ADAMTS2: variants seen among roughly 807,000 people sequenced by gnomAD.
ADAMTS2 encodes the protein A disintegrin and metalloproteinase with thrombospondin motifs 2.
Under a neutral mutation model 123.0 loss-of-function variants are expected in ADAMTS2, and 50 were observed. That is an observed-to-expected ratio of 0.41 (90% CI 0.32 to 0.51). The LOEUF is 0.51. Ranked by LOEUF, ADAMTS2 falls within the 20% of genes least tolerant of loss-of-function variation. The probability of loss-of-function intolerance (pLI) is 0.35; values close to 1 mark genes in which losing one functional copy is unlikely to be tolerated. For synonymous variants in ADAMTS2, 678 were observed against 695.4 expected, an observed-to-expected ratio of 0.98 and a Z score of 0.39; for missense variants, 1,494 against 1,705.2, an observed-to-expected ratio of 0.88 and a Z score of 2.18.
chr5:179,124,270 C>T (rs993319118), intron 19 of ADAMTS2, among the ~76,000 whole-genome samples: 11 of 152,262 alleles, frequency 7.2e-5, no homozygotes, highest in African/African-American at 1.7e-4. Flanking sequence ...TGCATGTGAC[C>T]GGGCTGTCAG....
chr5:179,243,687 G>C (rs1413542479), intron 3 of ADAMTS2, among the ~76,000 whole-genome samples: 1 of 152,178 alleles, frequency 6.6e-6, no homozygotes, highest in South Asian at 2.1e-4. Flanking sequence ...GACACTGCTG[G>C]TAAGAAAGCC....
intron 3 of ADAMTS2, among the ~76,000 whole-genome samples, chr5:179,217,828 C>CAGATAGGCACACTCGCTAGGAGATGGTG (rs1561811309): frequency 1.0e-5 from 1 of 99,850 alleles, no homozygotes; most frequent in African/African-American, 4.1e-5. Context: ...AGGGGATGGC[C>CAGATAGGCACACTCGCTAGGAGATGGTG]TGAGGGCAGA....
At chr5:179,122,001 T>A in intron 20 of ADAMTS2, 1 of 364,202 alleles carries the variant, frequency 2.7e-6, no homozygotes, top group Non-Finnish European at 4.9e-6. Flanking sequence ...CCCTGCCGCC[T>A]CCTTTTCTGG....
intron 4 of ADAMTS2, among the ~76,000 whole-genome samples, chr5:179,200,200 T>C (rs1480191023): frequency 6.6e-6 from 1 of 151,774 alleles, no homozygotes; most frequent in African/African-American, 2.4e-5. Context: ...ATGTAATACA[T>C]TGGCTCCTTT....
At chr5:179,255,236 G>T (rs1438945302) in intron 3 of ADAMTS2, among the ~76,000 whole-genome samples, 3 of 152,190 alleles carry the variant, frequency 2.0e-5, no homozygotes, top group Non-Finnish European at 2.9e-5. Context: ...ATGGATGAAT[G>T]ATTGGATAGA....
In ADAMTS2 at chr5:179,158,434, GC is replaced by G. The variant is rs1763527868; in HGVS notation, c.1132+288del. Reference sequence around the variant, plus strand: ...ACAGGCCTCCTTTCTTTCCAAATTGGCCCCACACCATTTGTTAGGCTGTTTT... The same window carrying G: ...ACAGGCCTCCTTTCTTTCCAAATTGGCCCACACCATTTGTTAGGCTGTTTT... On this transcript the variant is annotated intron_variant, in intron 6 of 21. Coordinates refer to ENST00000251582, the MANE Select transcript of ADAMTS2 (RefSeq NM_014244.5). This position sits in a 1 kb window ranked among gnomAD's most constrained non-coding sequence, Gnocchi z 5.0. Among the ~76,000 whole-genome samples the G allele has an allele frequency of 1.3e-5, 2 of 152,124 alleles. No individual in the cohort carries two copies. The highest frequency in any genetic ancestry group is 4.2e-4 in the South Asian group (2 of 4,818).
Position 179,154,904 on chromosome 5 carries a change from G to C in ADAMTS2, c.1148C>G (p.Thr383Ser), listed in dbSNP as rs372429085. 1.2e-6 allele frequency: 2 copies of C among 1,613,432 alleles called. No individual in the cohort carries two copies. The highest frequency in any genetic ancestry group is 1.7e-6 in the Non-Finnish European group (2 of 1,179,906). Reference protein sequence around the residue: ...PSGMQGYAPVTGMCHPVRSCT... With the variant: ...PSGMQGYAPVSGMCHPVRSCT... Reference sequence around the variant, plus strand: ...GCTGCGGACCGGATGGCACATGCCGGTGACAGGAGCATAGCCTGGGAGGAG... The same window carrying C: ...GCTGCGGACCGGATGGCACATGCCGCTGACAGGAGCATAGCCTGGGAGGAG... The change falls in exon 7 of 22, where the codon ACC becomes AGC. Residue 383 changes from threonine (T) to serine (S), a missense_variant. By Grantham distance (58) the Thr-to-Ser change is moderately conservative (BLOSUM62 1). Coordinates refer to ENST00000251582, the MANE Select transcript of ADAMTS2 (RefSeq NM_014244.5).
intron 5 of ADAMTS2, among the ~76,000 whole-genome samples, chr5:179,160,381 G>A (rs950577846): frequency 6.6e-6 from 1 of 152,210 alleles, no homozygotes; most frequent in East Asian, 1.9e-4. Context: ...AACCCGGGAG[G>A]TGGAGGTTGC....
chr5:179,262,139 G>A lies in ADAMTS2; in HGVS notation c.688+10772C>T, dbSNP rs981711753. 3.9e-5 allele frequency among the ~76,000 whole-genome samples: 6 copies of A among 152,044 alleles called. No individual in the cohort carries two copies. The highest frequency in any genetic ancestry group is 1.5e-4 in the African/African-American group (6 of 41,378). The stretch of plus-strand genomic sequence containing the variant: ...CGGGCAGCTGTGGAGTCAGAGTGAT[G>A]GGTGCCAATTCTGACTCCTGCACGT... On this transcript the variant is annotated intron_variant, in intron 3 of 21. Coordinates refer to ENST00000251582, the MANE Select transcript of ADAMTS2 (RefSeq NM_014244.5). This position sits in a 1 kb window ranked among gnomAD's most constrained non-coding sequence, Gnocchi z 5.9.
At chr5:179,145,870 G>C (rs547165227) in intron 10 of ADAMTS2, among the ~76,000 whole-genome samples, 1 of 152,194 alleles carries the variant, frequency 6.6e-6, no homozygotes, top group South Asian at 2.1e-4. Flanking sequence ...ATTTATTTTT[G>C]AGACGAAGTT....
chr5:179,173,897 C>T (rs1290653451), intron 5 of ADAMTS2, among the ~76,000 whole-genome samples: 2 of 151,602 alleles, frequency 1.3e-5, no homozygotes, highest in Non-Finnish European at 2.9e-5. Flanking sequence ...CCTGTAATCC[C>T]AGCTACTTGG....
chr5:179,257,872 A>G (rs1183083074), intron 3 of ADAMTS2, among the ~76,000 whole-genome samples: 1 of 152,166 alleles, frequency 6.6e-6, no homozygotes, highest in African/African-American at 2.4e-5. Flanking sequence ...CAAATTTTGA[A>G]TTAGCTGCCA....
chr5:179,236,260 C>T (rs966874375), intron 3 of ADAMTS2, among the ~76,000 whole-genome samples: 5 of 152,218 alleles, frequency 3.3e-5, no homozygotes, highest in African/African-American at 1.2e-4. Flanking sequence ...TCCCTCCCTC[C>T]TCTCTGAGCA....
rs546394789 is a variant in ADAMTS2, at chr5:179,134,658, T to C, written c.2085+1251A>G. Among the ~76,000 whole-genome samples, 38 of 152,302 alleles carry C rather than the reference T, an allele frequency of 2.5e-4. No individual in the cohort carries two copies. In the Middle Eastern group the frequency reaches 0.014, roughly 55 times the overall value. Reference sequence around the variant, plus strand: ...TGTCGCCATCTCTGAGCCAGCTGTATAGCCCAGCCTCCCGGCCCTGCCGAA... The same window carrying C: ...TGTCGCCATCTCTGAGCCAGCTGTACAGCCCAGCCTCCCGGCCCTGCCGAA... On this transcript the variant is annotated intron_variant, in intron 13 of 21. Coordinates refer to ENST00000251582, the MANE Select transcript of ADAMTS2 (RefSeq NM_014244.5).
rs368521870 is a variant in ADAMTS2, at chr5:179,210,826, C to T, written c.689-3111G>A. Among the ~76,000 whole-genome samples the T allele has an allele frequency of 2.6e-4, 39 of 152,370 alleles. No individual in the cohort carries two copies. The East Asian group carries it at 6.9e-3, about 27-fold the overall frequency. On this transcript the variant is annotated intron_variant, in intron 3 of 21. Coordinates refer to ENST00000251582, the MANE Select transcript of ADAMTS2 (RefSeq NM_014244.5). ...GGCTGAAGCCCCAGCTTGTCAATCA[C>T]GAGTGCCACCTCAGTTTTCCCCACA...
At position 179,129,521 on chromosome 5, in the gene ADAMTS2, G is replaced by T. The variant is rs1050742274; in HGVS notation, c.2457+411C>A. On this transcript the variant is annotated intron_variant, in intron 16 of 21. Coordinates refer to ENST00000251582, the MANE Select transcript of ADAMTS2 (RefSeq NM_014244.5). The surrounding 1 kb of genome is among the most constrained non-coding windows in gnomAD (Gnocchi z 4.1). ...ACTTTCCTACAACCAGGAGATCTGGGGTCCCATCCTGCTTAGAGACACAGT... is the reference window on the plus strand; with the variant it reads ...ACTTTCCTACAACCAGGAGATCTGGTGTCCCATCCTGCTTAGAGACACAGT... 6.6e-6 allele frequency among the ~76,000 whole-genome samples: 1 copy of T among 152,100 alleles called. No homozygotes were observed. Among genetic ancestry groups the T allele is most frequent in the Non-Finnish European group, 1.5e-5 (1 of 68,008 alleles).
chr5:179,330,631 C>T (rs1253968010), intron 2 of ADAMTS2, among the ~76,000 whole-genome samples: 1 of 152,246 alleles, frequency 6.6e-6, no homozygotes, highest in Non-Finnish European at 1.5e-5. Context: ...GCTGCGCACC[C>T]TCCAACCTCC....
rs747223176 is a variant in ADAMTS2, at chr5:179,154,866, G to C, written c.1186C>G (p.His396Asp). ...CHPVRSCTLN[H>D]EDGFSSAFVV... is the part of the protein sequence containing the mutation. ...AACGCTGAGGAGAAGCCGTCCTCATGGTTCAGGGTGCAGCTGCGGACCGGA... is the reference window on the plus strand; with the variant it reads ...AACGCTGAGGAGAAGCCGTCCTCATCGTTCAGGGTGCAGCTGCGGACCGGA... Residue 396 changes from histidine (H) to aspartate (D), a missense_variant, in exon 7 of 22, where the codon CAT becomes GAT. This residue lies in a region of ADAMTS2 where 47 missense variants were observed against 92.7 expected (regional missense o/e 0.51). Coordinates refer to ENST00000251582, the MANE Select transcript of ADAMTS2 (RefSeq NM_014244.5). 6.2e-7 allele frequency: 1 copy of C among 1,613,792 alleles called. No homozygotes were observed. Among genetic ancestry groups the C allele is most frequent in the Non-Finnish European group, 8.5e-7 (1 of 1,179,956 alleles).
chr5:179,163,334 T>C (rs1203318302), intron 5 of ADAMTS2, among the ~76,000 whole-genome samples: 1 of 152,096 alleles, frequency 6.6e-6, no homozygotes. Context: ...GGGTCGGTGA[T>C]AAGGAGTGGC....
Sources: allele counts gnomAD v4.1 joint callset (sites outside exome capture counted in the v4.1 genomes callset), GRCh38; gene constraint gnomAD v4.1.1; regional missense constraint gnomAD v4.1.1; non-coding constraint Gnocchi (gnomAD v3.1); transcripts MANE v1.5; gene names NCBI Gene and HGNC (gene_info 2026-07-23, HGNC 2026-07-21).